The following GMDS variants were observed in gnomAD, a reference collection of about 807,000 sequenced individuals.
GMDS encodes GDP-mannose 4,6-dehydratase.
GMDS carries 20 observed loss-of-function variants against 49.9 expected under a neutral mutation model. The observed-to-expected ratio is 0.40, with a 90% CI of 0.28 to 0.58. GMDS has a LOEUF of 0.58. GMDS is among the 20% of genes least tolerant of loss of function. GMDS has a pLI of 0.42. For missense variants in GMDS, 362 were observed against 481.4 expected (o/e 0.75, Z 2.32); for synonymous variants, 177 against 178.6 (o/e 0.99, Z 0.07).
At chr6:1,868,892 A>T (rs2113798969) in intron 7 of GMDS, among the ~76,000 whole-genome samples, 1 of 152,382 alleles carries the variant, frequency 6.6e-6, no homozygotes, top group South Asian at 2.1e-4. Context: ...TATTTATTTT[A>T]ATGAATTACT....
chr6:1,815,827 T>C (rs924816746), intron 7 of GMDS, among the ~76,000 whole-genome samples: 5 of 152,244 alleles, frequency 3.3e-5, no homozygotes, highest in African/African-American at 1.2e-4. Context: ...GATGACCCTC[T>C]GCCTGTTTTA....
intron 7 of GMDS, among the ~76,000 whole-genome samples, chr6:1,743,791 A>G (rs1767380168): frequency 6.6e-6 from 1 of 151,878 alleles, no homozygotes; most frequent in African/African-American, 2.4e-5. Context: ...AAATAAGTGT[A>G]GCAGGAATCC....
intron 1 of GMDS, among the ~76,000 whole-genome samples, chr6:2,125,587 T>C (rs913729390): frequency 6.6e-6 from 1 of 151,678 alleles, no homozygotes; most frequent in Non-Finnish European, 1.5e-5. Context: ...GAGGGAGACA[T>C]TGTCTCCAGA....
At chr6:2,162,659 A>AACACACACACACACAC (rs67198377) in intron 1 of GMDS, among the ~76,000 whole-genome samples, 7 of 135,728 alleles carry the variant, frequency 5.2e-5, no homozygotes, top group African/African-American at 1.3e-4. Context: ...ATAACATTCC[A>AACACACACACACACAC]ACACACACAC....
chr6:2,185,658 G>A (rs941588187), intron 1 of GMDS, among the ~76,000 whole-genome samples: 1 of 152,126 alleles, frequency 6.6e-6, no homozygotes, highest in African/African-American at 2.4e-5. Flanking sequence ...TGTCTCAGAT[G>A]AGCAGTTAAA....
intron 4 of GMDS, among the ~76,000 whole-genome samples, chr6:2,086,200 T>C (rs932829514): frequency 1.3e-5 from 2 of 151,220 alleles, no homozygotes; most frequent in Non-Finnish European, 3.0e-5. Context: ...TCAATCTCTG[T>C]GGTACCATTC....
At position 1,829,717 on chromosome 6, in the gene GMDS, G is replaced by T. The variant is rs78120346; in HGVS notation, c.772-87131C>A. Among the ~76,000 whole-genome samples the T allele has an allele frequency of 4.7e-3, 716 of 152,334 alleles. 4 individuals are homozygous for T. Among genetic ancestry groups the T allele is most frequent in the African/African-American group, 0.016 (678 of 41,588 alleles). On this transcript the variant is annotated intron_variant, in intron 7 of 10. Transcript: ENST00000380815. The stretch of plus-strand genomic sequence containing the variant: ...GGCCTCCCAAAATGCAGGGATTACA[G>T]GCGTAGCCACCACATCTGGCTGCTT...
chr6:2,200,079 CA>C (rs1359290055), intron 1 of GMDS, among the ~76,000 whole-genome samples: 19 of 152,258 alleles, frequency 1.2e-4, no homozygotes, highest in African/African-American at 4.3e-4. Flanking sequence ...ATTTATTAAA[CA>C]AATATTTATT....
intron 1 of GMDS, among the ~76,000 whole-genome samples, chr6:2,216,049 G>A (rs1222143099): frequency 3.3e-5 from 5 of 152,084 alleles, no homozygotes; most frequent in African/African-American, 1.2e-4. Context: ...ATTAGAGGAT[G>A]GGTATGTGGG....
chr6:1,856,213 C>A (rs968157198), intron 7 of GMDS, among the ~76,000 whole-genome samples: 2 of 152,168 alleles, frequency 1.3e-5, no homozygotes, highest in Non-Finnish European at 2.9e-5. Flanking sequence ...CTTTAAAATA[C>A]CCTAACTTTT....
intron 9 of GMDS, among the ~76,000 whole-genome samples, chr6:1,717,265 C>A (rs923234243): frequency 6.6e-6 from 1 of 152,250 alleles, no homozygotes; most frequent in Non-Finnish European, 1.5e-5. Flanking sequence ...CAATAGTAAA[C>A]CAACATAGAT....
intron 4 of GMDS, among the ~76,000 whole-genome samples, chr6:1,990,716 AG>A (rs1260675936): frequency 1.3e-5 from 2 of 150,002 alleles, no homozygotes; most frequent in Non-Finnish European, 3.0e-5. Flanking sequence ...CTGGGACTAC[AG>A]GCGCAGATCA....
intron 7 of GMDS, among the ~76,000 whole-genome samples, chr6:1,813,229 A>G (rs397885314): frequency 0.065 from 9,648 of 148,588 alleles, 98 homozygotes; most frequent in East Asian, 0.14. Flanking sequence ...CTCTTAAAAA[A>G]AAAAAAAAAA....
chr6:2,240,603 A>G (rs1163292281), intron 1 of GMDS, among the ~76,000 whole-genome samples: 3 of 108,162 alleles, frequency 2.8e-5, no homozygotes, highest in African/African-American at 1.3e-4. Flanking sequence ...GACTGTCTCA[A>G]AAAAAAAAAA....
intron 4 of GMDS, among the ~76,000 whole-genome samples, chr6:1,972,707 T>C (rs1764689717): frequency 6.6e-6 from 1 of 152,220 alleles, no homozygotes; most frequent in African/African-American, 2.4e-5. Context: ...TTGTGACCTT[T>C]CCATCAATAG....
At chr6:1,951,803 T>C in intron 6 of GMDS, 1 of 598,316 alleles carries the variant, frequency 1.7e-6, no homozygotes, top group Non-Finnish European at 2.1e-6. Flanking sequence ...ATTATAAAAC[T>C]ATGTTTATTG....
chr6:1,641,536 C>T (rs1763330002), intron 9 of GMDS, among the ~76,000 whole-genome samples: 2 of 152,236 alleles, frequency 1.3e-5, no homozygotes, highest in Non-Finnish European at 2.9e-5. Context: ...CCACTGCGAT[C>T]TTTATCAGGT....
chr6:1,624,827 CTTTTTTTTT>C (rs551321002), intron 9 of GMDS: 4 of 80,656 alleles, frequency 5.0e-5, no homozygotes, highest in South Asian at 4.9e-4. Flanking sequence ...GCTCTTAATG[CTTTTTTTTT>C]TTTTTTTTTT....
At chr6:1,685,440 T>G (rs1764943871) in intron 9 of GMDS, among the ~76,000 whole-genome samples, 1 of 152,158 alleles carries the variant, frequency 6.6e-6, no homozygotes, top group Non-Finnish European at 1.5e-5. Context: ...TTTTCAATGA[T>G]GCAAACAGTA....
Sources: allele counts gnomAD v4.1 joint callset (sites outside exome capture counted in the v4.1 genomes callset), GRCh38; gene constraint gnomAD v4.1.1; transcripts MANE v1.5; gene names NCBI Gene and HGNC (gene_info 2026-07-23, HGNC 2026-07-21).